The following PTK2 variants were observed in gnomAD, a reference collection of about 807,000 sequenced individuals.
PTK2 encodes the protein protein tyrosine kinase 2.
Under a neutral mutation model 150.1 loss-of-function variants are expected in PTK2, and 45 were observed. The ratio of observed to expected loss-of-function variants is 0.30; its 90% CI spans 0.24 to 0.38. The LOEUF (loss-of-function observed/expected upper bound fraction) is 0.38. Ranked by LOEUF, PTK2 falls within the 10% of genes least tolerant of loss-of-function variation. The pLI, the probability that PTK2 is intolerant of heterozygous loss-of-function variation, is 1.00. For missense variants in PTK2, 919 were observed against 1,307.3 expected, an observed-to-expected ratio of 0.70 and a Z score of 4.58; for synonymous variants, 432 against 449.2, an observed-to-expected ratio of 0.96 and a Z score of 0.48.
intron 26 of PTK2, among the ~76,000 whole-genome samples, chr8:140,695,747 G>C (rs566540042): frequency 6.6e-6 from 1 of 152,206 alleles, no homozygotes; most frequent in Non-Finnish European, 1.5e-5. Context: ...ATCTTGAAAA[G>C]CATTGCCAAG....
intron 1 of PTK2, among the ~76,000 whole-genome samples, chr8:140,936,226 A>G (rs191107545): frequency 6.6e-6 from 1 of 152,196 alleles, no homozygotes; most frequent in South Asian, 2.1e-4. Context: ...TAACTAATAA[A>G]ATCAATTGTG....
intron 1 of PTK2, among the ~76,000 whole-genome samples, chr8:140,985,181 T>C (rs543382571): frequency 3.3e-5 from 5 of 152,138 alleles, no homozygotes; most frequent in Non-Finnish European, 7.3e-5. Context: ...TAGAGTGCAG[T>C]GGCATGATCA....
At chr8:140,792,636 C>A (rs2100089156) in intron 13 of PTK2, among the ~76,000 whole-genome samples, 1 of 152,160 alleles carries the variant, frequency 6.6e-6, no homozygotes, top group South Asian at 2.1e-4. Context: ...GCAGATGGAT[C>A]CATTTAGAAC....
chr8:140,762,012 T>C (rs2100069686), intron 15 of PTK2, among the ~76,000 whole-genome samples: 1 of 152,154 alleles, frequency 6.6e-6, no homozygotes, highest in African/African-American at 2.4e-5. Flanking sequence ...GATTCAATTA[T>C]AACCCATTTA....
intron 1 of PTK2, among the ~76,000 whole-genome samples, chr8:140,983,380 C>CAA (rs34040387): frequency 0.41 from 31,705 of 77,966 alleles, 6,202 homozygotes; most frequent in Non-Finnish European, 0.51. Flanking sequence ...GACTCCATCT[C>CAA]AAAAAAAAAA....
intron 5 of PTK2, among the ~76,000 whole-genome samples, chr8:140,863,834 A>T (rs1203136506): frequency 6.6e-6 from 1 of 152,220 alleles, no homozygotes; most frequent in East Asian, 1.9e-4. Context: ...AAGCAAAAAA[A>T]ATTACCAAGT....
chr8:140,962,836 C>T (rs2154609437), intron 1 of PTK2, among the ~76,000 whole-genome samples: 1 of 151,736 alleles, frequency 6.6e-6, no homozygotes, highest in Non-Finnish European at 1.5e-5. Flanking sequence ...ACACTCCTCA[C>T]TCATGGCAAT....
chr8:140,801,673 G>A (rs1320687854), intron 11 of PTK2, among the ~76,000 whole-genome samples: 1 of 152,110 alleles, frequency 6.6e-6, no homozygotes, highest in Non-Finnish European at 1.5e-5. Context: ...TACTGCTGCT[G>A]TTATAATTAT....
chr8:140,742,286 T>G (rs1306400124), intron 20 of PTK2, among the ~76,000 whole-genome samples: 1 of 152,230 alleles, frequency 6.6e-6, no homozygotes, highest in African/African-American at 2.4e-5. Context: ...GTCTACTGAT[T>G]GAAAGACATT....
chr8:140,936,339 G>A (rs968380403), intron 1 of PTK2, among the ~76,000 whole-genome samples: 5 of 152,180 alleles, frequency 3.3e-5, no homozygotes, highest in Middle Eastern at 3.4e-3. Flanking sequence ...ATAAATCAAC[G>A]TCATCCTAAA....
chr8:140,720,922 A>C (rs1565063906), intron 22 of PTK2, among the ~76,000 whole-genome samples: 1 of 151,618 alleles, frequency 6.6e-6, no homozygotes, highest in East Asian at 1.9e-4. Context: ...TGCCTGGCTA[A>C]TTTTTTGTAT....
At chr8:140,711,456 A>C (rs898062758) in intron 23 of PTK2, among the ~76,000 whole-genome samples, 1 of 152,232 alleles carries the variant, frequency 6.6e-6, no homozygotes, top group African/African-American at 2.4e-5. Context: ...GTAAAACAAC[A>C]GCAACAATAA....
At chr8:140,711,268 G>C (rs1175059233) in intron 23 of PTK2, among the ~76,000 whole-genome samples, 1 of 152,086 alleles carries the variant, frequency 6.6e-6, no homozygotes, top group Non-Finnish European at 1.5e-5. Context: ...CACCACACCT[G>C]GCTAATTTTT....
At chr8:140,938,477 G>A (rs1325339092) in intron 1 of PTK2, among the ~76,000 whole-genome samples, 2 of 152,164 alleles carry the variant, frequency 1.3e-5, no homozygotes, top group Non-Finnish European at 2.9e-5. Context: ...CTGTCACAAG[G>A]ATTGTCGCAA....
chr8:140,676,542 T>A (rs1167365180), intron 27 of PTK2, among the ~76,000 whole-genome samples: 1 of 146,978 alleles, frequency 6.8e-6, no homozygotes, highest in Non-Finnish European at 1.5e-5. Flanking sequence ...AGCTAAATAA[T>A]GCGTATACAC....
intron 14 of PTK2, among the ~76,000 whole-genome samples, chr8:140,767,686 A>G (rs1389188903): frequency 6.6e-6 from 1 of 152,056 alleles, no homozygotes; most frequent in Admixed American, 6.6e-5. Context: ...AGGTTTTGCC[A>G]TGTTGCCCAC....
At chr8:140,814,100 C>T (rs2100103269) in intron 10 of PTK2, among the ~76,000 whole-genome samples, 1 of 152,120 alleles carries the variant, frequency 6.6e-6, no homozygotes, top group Non-Finnish European at 1.5e-5. Flanking sequence ...CAAGACTGAG[C>T]CAGGAAGAAA....
intron 21 of PTK2, 70 bp downstream of exon 24, chr8:140,738,948 A>T: frequency 9.3e-7 from 1 of 1,075,350 alleles, no homozygotes; most frequent in Non-Finnish European, 1.3e-6. Context: ...TTCCAAAAAG[A>T]GATAATTTTT....
chr8:140,740,558 A>C (rs2100055092), intron 20 of PTK2, among the ~76,000 whole-genome samples: 1 of 152,216 alleles, frequency 6.6e-6, no homozygotes, highest in Non-Finnish European at 1.5e-5. Context: ...TTATTTCTAT[A>C]GCCTAATGGA....
Sources: gnomAD v4.1 joint callset for allele counts (sites outside exome capture counted in the v4.1 genomes callset) on GRCh38, gnomAD v4.1.1 for gene constraint, MANE v1.5 for transcripts, NCBI Gene and HGNC (gene_info 2026-07-23, HGNC 2026-07-21) for gene names.